The following ATP8A1 variants were observed in gnomAD, a reference collection of about 807,000 sequenced individuals.
ATP8A1 encodes phospholipid-transporting ATPase IA.
ATP8A1 carries 90 observed loss-of-function variants against 177.7 expected under a neutral mutation model. The observed-to-expected ratio is 0.51, with a 90% CI of 0.43 to 0.60. The LOEUF (loss-of-function observed/expected upper bound fraction) is 0.60. ATP8A1 is among the 20% of genes least tolerant of loss of function. The pLI is 0.00. For synonymous variants in ATP8A1, 493 were observed against 485.9 expected (o/e 1.01, Z -0.19); for missense variants, 1,072 against 1,392.8 (o/e 0.77, Z 3.67).
At chr4:42,564,841 T>C (rs1010156459) in intron 15 of ATP8A1, among the ~76,000 whole-genome samples, 2 of 152,144 alleles carry the variant, frequency 1.3e-5, no homozygotes, top group African/African-American at 4.8e-5. Flanking sequence ...TGGAATGATA[T>C]GGTTTGGCTG....
At chr4:42,520,863 A>T (rs1384885119) in intron 22 of ATP8A1, among the ~76,000 whole-genome samples, 2 of 152,224 alleles carry the variant, frequency 1.3e-5, no homozygotes, top group Non-Finnish European at 2.9e-5. Context: ...ATGAGAAACA[A>T]TCACCTTCCA....
At chr4:42,630,845 ATAGT>A (rs768747518) in intron 1 of ATP8A1, among the ~76,000 whole-genome samples, 1 of 152,220 alleles carries the variant, frequency 6.6e-6, no homozygotes, top group Non-Finnish European at 1.5e-5. Flanking sequence ...ATGACCTTAG[ATAGT>A]TACTTACTTT....
chr4:42,568,344 C>G (rs1435400749), intron 15 of ATP8A1, among the ~76,000 whole-genome samples: 2 of 152,014 alleles, frequency 1.3e-5, no homozygotes, highest in Admixed American at 1.3e-4. Context: ...GCTTCGTCAC[C>G]AAATACATGA....
At chr4:42,516,283 C>T (rs1725526774) in intron 22 of ATP8A1, among the ~76,000 whole-genome samples, 1 of 152,036 alleles carries the variant, frequency 6.6e-6, no homozygotes, top group South Asian at 2.1e-4. Context: ...TCAAAAAAGG[C>T]TTGACAGCAG....
At chr4:42,562,547 T>C (rs897738064) in intron 15 of ATP8A1, 2 of 152,220 alleles carry the variant, frequency 1.3e-5, no homozygotes, top group Non-Finnish European at 2.9e-5. Context: ...TCCAAAAATA[T>C]GAGCAAGTGA....
chr4:42,462,175 G>A (rs755252223), intron 27 of ATP8A1, among the ~76,000 whole-genome samples: 5 of 152,244 alleles, frequency 3.3e-5, no homozygotes, highest in Non-Finnish European at 5.9e-5. Context: ...GAGGAGAAAT[G>A]GAAGCAGGCT....
intron 20 of ATP8A1, among the ~76,000 whole-genome samples, chr4:42,541,612 G>C (rs1053826098): frequency 1.3e-5 from 2 of 152,118 alleles, no homozygotes; most frequent in African/African-American, 4.8e-5. Context: ...GCCAAAATTG[G>C]AAAGAGACCA....
In ATP8A1 at chr4:42,606,156, G is replaced by A. The variant is rs186264690; in HGVS notation, c.410-5638C>T. Among the ~76,000 whole-genome samples, 3 of 152,330 alleles carry A rather than the reference G, an allele frequency of 2.0e-5. No individual in the cohort carries two copies. The East Asian group carries it at 5.8e-4, about 29-fold the overall frequency. ...GGAAAATACTCCATGGCACAGATGT[G>A]TCAATTACAACGGGTTGGATAATTA... On this transcript the variant is annotated intron_variant, in intron 5 of 36. Transcript: ENST00000381668.
Position 42,423,515 on chromosome 4 carries a change from T to G in ATP8A1, c.3212+102A>C, listed in dbSNP as rs1714233210. The G allele has an allele frequency of 8.7e-6, 6 of 686,494 alleles. No homozygotes were observed. The East Asian group carries it at 1.8e-4, about 21-fold the overall frequency. 42.5% of individuals were successfully genotyped at this position (686,494 alleles called of 1,614,324 possible). A position where few individuals can be genotyped will look rare whatever the true frequency, so the allele number is the denominator to read the frequency against. ...AAAATTAAGTAATATTACCAGTCCC[T>G]ATCCTGCAAGCTCTACATGCTTGAG... On this transcript the variant is annotated intron_variant, in intron 34 of 36. Coordinates refer to ENST00000381668, the MANE Select transcript of ATP8A1 (RefSeq NM_006095.2).
chr4:42,607,468 T>C (rs1735907630), intron 5 of ATP8A1, among the ~76,000 whole-genome samples: 1 of 152,134 alleles, frequency 6.6e-6, no homozygotes, highest in Non-Finnish European at 1.5e-5. Flanking sequence ...CCACATGTAT[T>C]ATGCTGGTGA....
At chr4:42,643,861 T>A (rs1451061248) in intron 1 of ATP8A1, among the ~76,000 whole-genome samples, 1 of 152,168 alleles carries the variant, frequency 6.6e-6, no homozygotes, top group Non-Finnish European at 1.5e-5. Flanking sequence ...AACACACATA[T>A]CACTCCAGGC....
chr4:42,471,085 C>T (rs527660253), intron 25 of ATP8A1, among the ~76,000 whole-genome samples: 1 of 152,150 alleles, frequency 6.6e-6, no homozygotes, highest in East Asian at 1.9e-4. Flanking sequence ...ACCTGATGTA[C>T]AAAAACTACA....
chr4:42,595,272 A>G lies in ATP8A1; in HGVS notation c.451-4388T>C, dbSNP rs947869157. ...TTTCCTTGAACTCTAAAATAACACT[A>G]TGAGGGTAAGAACAGAATAGTGTCT... On this transcript the variant is annotated intron_variant, in intron 6 of 36. Coordinates refer to ENST00000381668, the MANE Select transcript of ATP8A1 (RefSeq NM_006095.2). 1.5e-4 allele frequency among the ~76,000 whole-genome samples: 23 copies of G among 152,184 alleles called. 1 individual carries two copies. Among genetic ancestry groups the G allele is most frequent in the African/African-American group, 5.5e-4 (23 of 41,464 alleles).
intron 22 of ATP8A1, among the ~76,000 whole-genome samples, chr4:42,520,957 T>C (rs1260666797): frequency 6.6e-6 from 1 of 152,112 alleles, no homozygotes; most frequent in African/African-American, 2.4e-5. Flanking sequence ...GAAAACCATC[T>C]GCAGCTAGAA....
At chr4:42,610,758 T>C (rs1736286783) in intron 5 of ATP8A1, among the ~76,000 whole-genome samples, 1 of 152,190 alleles carries the variant, frequency 6.6e-6, no homozygotes, top group Admixed American at 6.5e-5. Flanking sequence ...TATAGATGTC[T>C]GAAATTACTT....
intron 1 of ATP8A1, among the ~76,000 whole-genome samples, chr4:42,641,500 TTC>T (rs1739991001): frequency 6.9e-6 from 1 of 144,466 alleles, no homozygotes; most frequent in African/African-American, 2.5e-5. Context: ...CCTTTTAAAT[TTC>T]TTTTTTTTTT....
intron 3 of ATP8A1, chr4:42,625,385 G>GAAC (rs1737952514): frequency 3.0e-6 from 1 of 336,156 alleles, no homozygotes; most frequent in Admixed American, 4.9e-5. Context: ...CACCCAAAAT[G>GAAC]AACAGTCCTT....
chr4:42,487,900 C>G (rs1458564715), intron 24 of ATP8A1, among the ~76,000 whole-genome samples: 1 of 152,132 alleles, frequency 6.6e-6, no homozygotes, highest in African/African-American at 2.4e-5. Flanking sequence ...ACACAAAGGA[C>G]CACCATATAG....
chr4:42,656,454 T>G (rs1158768123), intron 1 of ATP8A1, among the ~76,000 whole-genome samples: 1 of 151,140 alleles, frequency 6.6e-6, no homozygotes, highest in Admixed American at 6.6e-5. Flanking sequence ...AGATAGGGGG[T>G]TGCAAAACGG....
Sources: gnomAD v4.1 joint callset for allele counts (sites outside exome capture counted in the v4.1 genomes callset) on GRCh38, gnomAD v4.1.1 for gene constraint, MANE v1.5 for transcripts, NCBI Gene and HGNC (gene_info 2026-07-23, HGNC 2026-07-21) for gene names.